The following GNA11 variants were observed in gnomAD, a reference collection of about 807,000 sequenced individuals.
GNA11 encodes the protein guanine nucleotide-binding protein subunit alpha-11.
In GNA11, 8 loss-of-function variants were observed where a neutral mutation model predicts 38.2. That is an observed-to-expected ratio of 0.21 (90% CI 0.12 to 0.38). The LOEUF is 0.38. Ranked by LOEUF, GNA11 falls within the 10% of genes least tolerant of loss-of-function variation. The pLI is 1.00. For synonymous variants in GNA11, 211 were observed against 221.4 expected (o/e 0.95, Z 0.42); for missense variants, 268 against 516.3 (o/e 0.52, Z 4.66).
chr19:3,116,695 C>T (rs565944166), intron 4 of GNA11, among the ~76,000 whole-genome samples: 44 of 152,356 alleles, frequency 2.9e-4, no homozygotes, highest in African/African-American at 9.1e-4. Context: ...GGGCGCTAGA[C>T]GGCTCTGTCC....
At chr19:3,095,443 G>A (rs922495223) in intron 1 of GNA11, among the ~76,000 whole-genome samples, 2 of 151,798 alleles carry the variant, frequency 1.3e-5, no homozygotes, top group Non-Finnish European at 2.9e-5. Context: ...CACTGCTCAG[G>A]GCCCCGCGTT....
intron 3 of GNA11, 123 bp from the exon 4 acceptor site, chr19:3,114,821 G>A: frequency 3.4e-6 from 3 of 890,076 alleles, no homozygotes; most frequent in Non-Finnish European, 5.2e-6. Context: ...TGCCGTAGGT[G>A]GCGCAGTGCG....
At chr19:3,106,309 C>T (rs931040730) in intron 1 of GNA11, among the ~76,000 whole-genome samples, 5 of 152,166 alleles carry the variant, frequency 3.3e-5, no homozygotes, top group Admixed American at 1.3e-4. Context: ...AGCTCCAAGA[C>T]GCTGTGTGAC....
Position 3,121,125 on chromosome 19 carries a change from G to A in GNA11, c.1026G>A (p.Ala342=), listed in dbSNP as rs1321424736. The change falls in exon 7 of 7, where the codon GCG becomes GCA. Residue 342 remains alanine, a synonymous_variant. Transcript: ENST00000078429. ...CGGAGAACATCCGCTTCGTGTTCGC[G>A]GCCGTGAAGGACACCATCCTGCAGC... ...TDTENIRFVF[A]AVKDTILQLN... is the part of the protein sequence containing the mutation. 3.1e-6 allele frequency: 5 copies of A among 1,613,614 alleles called. No individual in the cohort carries two copies. The highest frequency in any genetic ancestry group is 2.2e-5 in the East Asian group (1 of 44,870).
Position 3,121,975 on chromosome 19 carries a change from G to GCTTCTCTGGGCTGTGCCTCCGGGGC in GNA11, c.*798_*822dup. 4.3e-6 allele frequency: 1 copy of GCTTCTCTGGGCTGTGCCTCCGGGGC among 233,278 alleles called. No homozygotes were observed. Among genetic ancestry groups the GCTTCTCTGGGCTGTGCCTCCGGGGC allele is most frequent in the Non-Finnish European group, 8.5e-6 (1 of 117,914 alleles). The allele number at this position is 233,278 out of a possible 1,614,324, so 14.5% of individuals were successfully genotyped here. On this transcript the variant is annotated 3_prime_UTR_variant, in exon 7 of 7. Coordinates refer to ENST00000078429, the MANE Select transcript of GNA11 (RefSeq NM_002067.5). ...GGGTCCCCGGGCTGGAGCCACGGGG[G>GCTTCTCTGGGCTGTGCCTCCGGGGC]CTTCTCTGGGCTGTGCCTCCGGGGC...
chr19:3,095,939 G>T (rs1335793920), intron 1 of GNA11, among the ~76,000 whole-genome samples: 3 of 152,130 alleles, frequency 2.0e-5, no homozygotes, highest in African/African-American at 7.2e-5. Context: ...TCCAAATAAG[G>T]GCCCCTTCAG....
intron 1 of GNA11, among the ~76,000 whole-genome samples, chr19:3,097,117 C>T (rs1181466074): frequency 6.6e-6 from 1 of 152,180 alleles, no homozygotes; most frequent in Non-Finnish European, 1.5e-5. Flanking sequence ...TCCCAGTAGG[C>T]CAGCCCCGAG....
chr19:3,102,150 ATGAG>A (rs1483005505), intron 1 of GNA11, among the ~76,000 whole-genome samples: 2 of 152,076 alleles, frequency 1.3e-5, no homozygotes, highest in African/African-American at 2.4e-5. Flanking sequence ...CGTAGAAAAC[ATGAG>A]TGAGTGACAC....
intron 4 of GNA11, chr19:3,118,417 C>G (rs1004368084): frequency 6.4e-6 from 1 of 155,554 alleles, no homozygotes; most frequent in Admixed American, 6.3e-5. Context: ...GCCTGCTCTT[C>G]TGCCCCAGGA....
intron 1 of GNA11, among the ~76,000 whole-genome samples, chr19:3,098,592 G>T (rs748221992): frequency 2.0e-5 from 3 of 152,262 alleles, no homozygotes; most frequent in African/African-American, 4.8e-5. Flanking sequence ...AATAAAGCAG[G>T]ATGGTTAGTT....
intron 4 of GNA11, among the ~76,000 whole-genome samples, chr19:3,116,552 C>T (rs985759938): frequency 2.6e-5 from 4 of 152,228 alleles, no homozygotes; most frequent in Non-Finnish European, 5.9e-5. Context: ...TGCGCCTTTG[C>T]CTCTGTTCTC....
rs1388428359 is a variant in GNA11, at chr19:3,120,301, GC to G, written c.890-684del. ...GCTGCACCTGCTCCAGCCGCACGTG[GC>G]CCCTGCCCAGCAGCCTGTCCTGTGG... On this transcript the variant is annotated intron_variant, in intron 6 of 6. Coordinates refer to ENST00000078429, the MANE Select transcript of GNA11 (RefSeq NM_002067.5). The surrounding 1 kb of genome is among the most constrained non-coding windows in gnomAD (Gnocchi z 5.9). Among the ~76,000 whole-genome samples, 1 of 152,062 alleles carries G rather than the reference GC, an allele frequency of 6.6e-6. No individual in the cohort carries two copies.
At chr19:3,104,509 C>T (rs1275592556) in intron 1 of GNA11, among the ~76,000 whole-genome samples, 2 of 152,204 alleles carry the variant, frequency 1.3e-5, no homozygotes, top group African/African-American at 2.4e-5. Flanking sequence ...GGGGGGCTCC[C>T]TCAGGTGTGG....
rs1914002010 is a variant in GNA11 at position 3,119,144 on chromosome 19, C to T, written c.736-62C>T. 7 of 1,603,232 alleles carry T rather than the reference C, an allele frequency of 4.4e-6. No homozygotes were observed. Among genetic ancestry groups the T allele is most frequent in the Non-Finnish European group, 6.0e-6 (7 of 1,171,692 alleles). Reference sequence around the variant, plus strand: ...CCCCTCACCTGGGTCCCCCCAGCTGCCCCTTGGGCTGTGTGCAGTGGGGAG... The same window carrying T: ...CCCCTCACCTGGGTCCCCCCAGCTGTCCCTTGGGCTGTGTGCAGTGGGGAG... On this transcript the variant is annotated intron_variant, in intron 5 of 6. Transcript: ENST00000078429. This position sits in a 1 kb window ranked among gnomAD's most constrained non-coding sequence, Gnocchi z 4.6.
intron 3 of GNA11, among the ~76,000 whole-genome samples, chr19:3,114,018 C>T (rs1172499259): frequency 2.6e-5 from 4 of 152,112 alleles, no homozygotes; most frequent in Admixed American, 6.5e-5. Flanking sequence ...TGGAGGCCCC[C>T]GCGTGGCAGG....
In GNA11 at chr19:3,119,645, GGA is replaced by G; in HGVS notation, c.889+287_889+288del. Among the ~76,000 whole-genome samples the G allele has an allele frequency of 2.0e-5, 3 of 151,478 alleles. No homozygotes were observed. Among genetic ancestry groups the G allele is most frequent in the Non-Finnish European group, 4.4e-5 (3 of 67,806 alleles). ...CGGGTGGGAGGGGTCTCGGGCAGGG[GGA>G]TCTCGGGTGGGAGGAGTCTTGTACA... On this transcript the variant is annotated intron_variant, in intron 6 of 6. Coordinates refer to ENST00000078429, the MANE Select transcript of GNA11 (RefSeq NM_002067.5). This position sits in a 1 kb window ranked among gnomAD's most constrained non-coding sequence, Gnocchi z 4.6.
Position 3,114,858 on chromosome 19 carries a change from C to T in GNA11, c.477-86C>T, listed in dbSNP as rs139964427. ...GGTCCACCCCCTCCTGGTGGCTTTC[C>T]GTCCTCCCGCTGGTTTGGGTGCTGT... On this transcript the variant is annotated intron_variant, in intron 3 of 6. Transcript: ENST00000078429. 1.3e-4 allele frequency: 183 copies of T among 1,359,870 alleles called. No homozygotes were observed. In the East Asian group the frequency reaches 3.5e-3, roughly 26 times the overall value. 84.2% of individuals were successfully genotyped at this position (1,359,870 alleles called of 1,614,324 possible).
intron 1 of GNA11, among the ~76,000 whole-genome samples, chr19:3,105,777 G>A (rs138596842): frequency 1.3e-3 from 203 of 152,296 alleles, no homozygotes; most frequent in African/African-American, 4.5e-3. Flanking sequence ...CTTTGCACCC[G>A]TGCACCTGCT....
At chr19:3,098,295 C>T (rs940230960) in intron 1 of GNA11, among the ~76,000 whole-genome samples, 1 of 152,210 alleles carries the variant, frequency 6.6e-6, no homozygotes, top group Non-Finnish European at 1.5e-5. Flanking sequence ...CCTCCGTCCG[C>T]GCCGCCGCCA....
Sources: gnomAD v4.1 joint callset for allele counts (sites outside exome capture counted in the v4.1 genomes callset) on GRCh38, gnomAD v4.1.1 for gene constraint, Gnocchi (gnomAD v3.1) non-coding constraint, MANE v1.5 for transcripts, NCBI Gene and HGNC (gene_info 2026-07-23, HGNC 2026-07-21) for gene names.